PNKD: variants seen among roughly 807,000 people sequenced by gnomAD.
PNKD encodes the protein PNKD metallo-beta-lactamase domain containing.
Under a neutral mutation model 45.3 loss-of-function variants are expected in PNKD, and 36 were observed. The observed-to-expected ratio is 0.80, with a 90% CI of 0.61 to 1.05. PNKD has a LOEUF of 1.05. Among genes scored for constraint, PNKD ranks in the 50% least tolerant of loss-of-function variants. PNKD has a pLI of 0.00. For missense variants in PNKD, 511 were observed against 506.6 expected (o/e 1.01, Z -0.08); for synonymous variants, 197 against 210.1 (o/e 0.94, Z 0.54).
At position 218,344,649 on chromosome 2, in the gene PNKD, G is replaced by T. The variant is rs1694777395; in HGVS notation, c.984+79G>T. ...GGGAACCCATCCATGCTGACCCCAG[G>T]CCTGCGAGCACCTCCCCAAAACTCT... On this transcript the variant is annotated intron_variant, in intron 9 of 9. Coordinates refer to ENST00000273077, the MANE Select transcript of PNKD (RefSeq NM_015488.5). 17 of 1,422,432 alleles carry T rather than the reference G, an allele frequency of 1.2e-5. No individual in the cohort carries two copies. In the Admixed American group the frequency reaches 2.7e-4, roughly 23 times the overall value. The allele number at this position is 1,422,432 out of a possible 1,614,324, so 88.1% of individuals were successfully genotyped here. A position where few individuals can be genotyped will look rare whatever the true frequency, so the allele number is the denominator to read the frequency against.
intron 2 of PNKD, among the ~76,000 whole-genome samples, chr2:218,290,949 G>A (rs1317574090): frequency 2.0e-5 from 3 of 152,146 alleles, no homozygotes; most frequent in African/African-American, 4.8e-5. Context: ...CTCTCTGGTC[G>A]TCCCAGTTCA....
chr2:218,310,935 T>C, intron 2 of PNKD, among the ~76,000 whole-genome samples: 2 of 152,312 alleles, frequency 1.3e-5, no homozygotes, highest in South Asian at 4.1e-4. Context: ...ATATTTGCTA[T>C]TGTGTTGTAA....
chr2:218,286,340 C>T (rs1209281496), intron 2 of PNKD: 1 of 151,976 alleles, frequency 6.6e-6, no homozygotes, highest in African/African-American at 2.4e-5. Context: ...TCTGGCCCAC[C>T]TTCTGCTTGA....
At chr2:218,333,972 G>A (rs377387926) in intron 2 of PNKD, among the ~76,000 whole-genome samples, 1 of 146,714 alleles carries the variant, frequency 6.8e-6, no homozygotes, top group Non-Finnish European at 1.5e-5. Flanking sequence ...AAAATTAGCC[G>A]GGCGTGGTGG....
At position 218,323,071 on chromosome 2, in the gene PNKD, A is replaced by C. The variant is rs1694034878; in HGVS notation, c.237-16712A>C. 2.6e-5 allele frequency: 23 copies of C among 896,788 alleles called. No individual in the cohort carries two copies. In the South Asian group the frequency reaches 5.6e-4, roughly 22 times the overall value. 55.6% of individuals were successfully genotyped at this position (896,788 alleles called of 1,614,324 possible). A position where few individuals can be genotyped will look rare whatever the true frequency, so the allele number is the denominator to read the frequency against. The stretch of plus-strand genomic sequence containing the variant: ...GCCGGGCGGAGCCAGGCCGCCCCCC[A>C]AGCCGGGTGGCCTTCGGGGTGCTTG... On this transcript the variant is annotated intron_variant, in intron 2 of 9. Coordinates refer to ENST00000273077, the MANE Select transcript of PNKD (RefSeq NM_015488.5).
In PNKD at chr2:218,270,590, C is replaced by A; in HGVS notation, c.55C>A (p.Arg19Ser). The stretch of plus-strand genomic sequence containing the variant: ...GAAGGGCCGGGGGGCGAGAAATGCC[C>A]GCGTCCTCCGGGGTAAGGAGAGGGA... ...ALKGRGARNA[R>S]VLRGILAGAT... Residue 19 changes from arginine (R) to serine (S), a missense_variant, in exon 1 of 10, where the codon CGC (arginine) becomes AGC (serine). Coordinates refer to ENST00000273077, the MANE Select transcript of PNKD (RefSeq NM_015488.5). The A allele has an allele frequency of 9.1e-7, 1 of 1,093,408 alleles. No individual in the cohort carries two copies. Among genetic ancestry groups the A allele is most frequent in the East Asian group, 3.1e-5 (1 of 31,966 alleles). 67.7% of individuals were successfully genotyped at this position (1,093,408 alleles called of 1,614,324 possible).
chr2:218,319,178 C>G (rs1465357515), intron 2 of PNKD, among the ~76,000 whole-genome samples: 1 of 151,476 alleles, frequency 6.6e-6, no homozygotes, highest in African/African-American at 2.4e-5. Context: ...TGGTCTCGAA[C>G]TCCTGACCTT....
At chr2:218,337,761 G>A (rs12471773) in intron 2 of PNKD, among the ~76,000 whole-genome samples, 29,652 of 152,058 alleles carry the variant, frequency 0.2, 3,035 homozygotes, top group Middle Eastern at 0.35. Context: ...AGCGAGGAAC[G>A]GAGCACACTC....
intron 2 of PNKD, chr2:218,272,514 C>A: frequency 6.4e-7 from 1 of 1,570,236 alleles, no homozygotes; most frequent in Non-Finnish European, 8.8e-7. Context: ...CCCCCCAGCT[C>A]CTCTGGCTCA....
At chr2:218,341,111 G>A (rs1694660667) in intron 5 of PNKD, among the ~76,000 whole-genome samples, 2 of 152,250 alleles carry the variant, frequency 1.3e-5, no homozygotes, top group East Asian at 1.9e-4. Flanking sequence ...CAATAGGGGA[G>A]GTAGCCCTGT....
At chr2:218,332,165 C>T (rs546317228) in intron 2 of PNKD, among the ~76,000 whole-genome samples, 1 of 152,272 alleles carries the variant, frequency 6.6e-6, no homozygotes, top group Admixed American at 6.5e-5. Context: ...CTTCTTTTTG[C>T]CAGTGCTTTG....
intron 2 of PNKD, among the ~76,000 whole-genome samples, chr2:218,300,263 C>T (rs1454352092): frequency 6.6e-6 from 1 of 152,206 alleles, no homozygotes; most frequent in Non-Finnish European, 1.5e-5. Flanking sequence ...TGCACACTAA[C>T]TTGTCCATTC....
rs1341165467 is a variant in PNKD at position 218,344,579 on chromosome 2, C to G, written c.984+9C>G. 2.5e-6 allele frequency: 4 copies of G among 1,587,278 alleles called. No homozygotes were observed. The highest frequency in any genetic ancestry group is 3.4e-6 in the Non-Finnish European group (4 of 1,164,758). ...TGGAGCGCAAGGGCACGGTGAGGGA[C>G]TCGGGGTCCAGGAGGAGCTGTGTGG... is the stretch of plus-strand genomic sequence containing the variant. On this transcript the variant is annotated intron_variant, in intron 9 of 9. Coordinates refer to ENST00000273077, the MANE Select transcript of PNKD (RefSeq NM_015488.5).
intron 2 of PNKD, among the ~76,000 whole-genome samples, chr2:218,293,971 C>A (rs1693072447): frequency 6.6e-6 from 1 of 151,652 alleles, no homozygotes; most frequent in Admixed American, 6.6e-5. Flanking sequence ...AAAAACTGCC[C>A]CCCATACACA....
intron 2 of PNKD, among the ~76,000 whole-genome samples, chr2:218,324,295 G>A (rs959866378): frequency 2.6e-4 from 40 of 152,258 alleles, no homozygotes; most frequent in African/African-American, 8.4e-4. Flanking sequence ...AGTAATGTTG[G>A]GGATGGGAAT....
chr2:218,277,176 T>C (rs559316697), intron 2 of PNKD: 114 of 1,330,748 alleles, frequency 8.6e-5, no homozygotes, highest in Non-Finnish European at 1.2e-4. Flanking sequence ...TGCCAGGGAG[T>C]CCCAGTGCTG....
chr2:218,337,118 T>C (rs911165739), intron 2 of PNKD, among the ~76,000 whole-genome samples: 7 of 151,310 alleles, frequency 4.6e-5, no homozygotes, highest in Non-Finnish European at 5.9e-5. Context: ...TTTTCTTTTT[T>C]TTTATTGAGA....
At chr2:218,343,396 G>GTAAT in intron 7 of PNKD, 104 bp from the exon 8 acceptor site, 1 of 914,070 alleles carries the variant, frequency 1.1e-6, no homozygotes, top group Non-Finnish European at 1.8e-6. Flanking sequence ...CAGGGCTGAC[G>GTAAT]GCCAGCCAGA....
chr2:218,337,876 C>T (rs1694545370), intron 2 of PNKD, among the ~76,000 whole-genome samples: 1 of 152,184 alleles, frequency 6.6e-6, no homozygotes. Context: ...GGGTCGGGCA[C>T]GGTGGCTCAC....
Sources: allele counts gnomAD v4.1 joint callset (sites outside exome capture counted in the v4.1 genomes callset), GRCh38; gene constraint gnomAD v4.1.1; transcripts MANE v1.5; gene names NCBI Gene and HGNC (gene_info 2026-07-23, HGNC 2026-07-21).